NFATC3: variants seen among roughly 807,000 people sequenced by gnomAD.
NFATC3 encodes the protein nuclear factor of activated T-cells, cytoplasmic 3.
NFATC3 carries 46 observed loss-of-function variants against 98.6 expected under a neutral mutation model. The observed-to-expected ratio is 0.47, with a 90% CI of 0.37 to 0.60. The LOEUF (loss-of-function observed/expected upper bound fraction) is 0.60. Among genes scored for constraint, NFATC3 ranks in the 20% least tolerant of loss-of-function variants. The pLI, the probability that NFATC3 is intolerant of heterozygous loss-of-function variation, is 0.00. For missense variants in NFATC3, 1,256 were observed against 1,295.5 expected (o/e 0.97, Z 0.47); for synonymous variants, 512 against 472.2 (o/e 1.08, Z -1.09).
At chr16:68,172,666 C>T (rs989239730) in intron 5 of NFATC3, among the ~76,000 whole-genome samples, 4 of 151,962 alleles carry the variant, frequency 2.6e-5, no homozygotes, top group Non-Finnish European at 4.4e-5. Flanking sequence ...CCTATAGTCC[C>T]AGCTCCTAGG....
intron 1 of NFATC3, among the ~76,000 whole-genome samples, chr16:68,112,956 G>C (rs8044328): frequency 0.18 from 27,933 of 151,970 alleles, 2,937 homozygotes; most frequent in African/African-American, 0.28. Flanking sequence ...ATGTTCCTCT[G>C]TATACTAGCC....
At chr16:68,116,922 G>A (rs1056349612) in intron 1 of NFATC3, among the ~76,000 whole-genome samples, 4 of 152,020 alleles carry the variant, frequency 2.6e-5, no homozygotes, top group Admixed American at 6.6e-5. Flanking sequence ...GATGAAATTA[G>A]TAAAGAACAA....
Position 68,148,250 on chromosome 16 carries a change from G to A in NFATC3, c.1402-9619G>A, listed in dbSNP as rs1299684825. 7.9e-5 allele frequency among the ~76,000 whole-genome samples: 12 copies of A among 151,992 alleles called. 1 individual carries two copies. The highest frequency in any genetic ancestry group is 2.6e-4 in the Admixed American group (4 of 15,250). Reference sequence around the variant, plus strand: ...AGGCTGGTCTCGAACTCCCGACCTCGGGTGATCCACCTGCCTAGGCCTCCC... The same window carrying A: ...AGGCTGGTCTCGAACTCCCGACCTCAGGTGATCCACCTGCCTAGGCCTCCC... On this transcript the variant is annotated intron_variant, in intron 3 of 9. Transcript: ENST00000346183.
In NFATC3 at chr16:68,174,385, G is replaced by A. The variant is rs1419974795; in HGVS notation, c.1786G>A (p.Ala596Thr). The change falls in exon 6 of 10, where the codon GCT becomes ACT. Residue 596 changes from alanine to threonine, a missense_variant. Coordinates refer to ENST00000346183, the MANE Select transcript of NFATC3 (RefSeq NM_173165.3). ...AAAATTTAAAACAGCCCAGCGGTCT[G>A]CTCAAGAACTTCCTCATATTGAGAA... is the stretch of plus-strand genomic sequence containing the variant. ...SIPVECSQRS[A>T]QELPHIEKYS... 16 of 1,530,696 alleles carry A rather than the reference G, an allele frequency of 1.0e-5. No homozygotes were observed. The Admixed American group carries it at 3.1e-4, about 30-fold the overall frequency. 94.8% of individuals were successfully genotyped at this position (1,530,696 alleles called of 1,614,324 possible).
At position 68,123,713 on chromosome 16, in the gene NFATC3, T is replaced by C. The variant is rs536540622; in HGVS notation, c.1238+592T>C. On this transcript the variant is annotated intron_variant, in intron 2 of 9. Coordinates refer to ENST00000346183, the MANE Select transcript of NFATC3 (RefSeq NM_173165.3). The stretch of plus-strand genomic sequence containing the variant: ...TGAATTTAATTACTAAGAAAACTAT[T>C]TGGGGGCCAGGCGTGGTGTCTCATG... 3.1e-4 allele frequency among the ~76,000 whole-genome samples: 47 copies of C among 152,018 alleles called. No homozygotes were observed. In the South Asian group the frequency reaches 9.5e-3, roughly 31 times the overall value.
rs2041498950 is a variant in NFATC3 at position 68,213,400 on chromosome 16, G to A, written c.3107-12950G>A. Reference sequence around the variant, plus strand: ...ACTGCACTCCAGCCTGGGCGACAGAGCAAGACTCTGTCTCAAAAAATAAAT... The same window carrying A: ...ACTGCACTCCAGCCTGGGCGACAGAACAAGACTCTGTCTCAAAAAATAAAT... On this transcript the variant is annotated intron_variant, in intron 9 of 9. Transcript: ENST00000346183. Among the ~76,000 whole-genome samples, 4 of 150,028 alleles carry A rather than the reference G, an allele frequency of 2.7e-5. No individual in the cohort carries two copies. In the South Asian group the frequency reaches 8.4e-4, roughly 31 times the overall value.
intron 5 of NFATC3, among the ~76,000 whole-genome samples, chr16:68,168,371 C>T (rs558058410): frequency 3.3e-5 from 5 of 151,976 alleles, no homozygotes; most frequent in East Asian, 1.9e-4. Context: ...CCATGTTGGC[C>T]ATGCTGGTCT....
chr16:68,109,199 T>C (rs2035818420), intron 1 of NFATC3, among the ~76,000 whole-genome samples: 1 of 152,212 alleles, frequency 6.6e-6, no homozygotes, highest in Non-Finnish European at 1.5e-5. Context: ...AGTATGACAT[T>C]GGATGTGGGT....
At chr16:68,112,345 T>C (rs1463570399) in intron 1 of NFATC3, among the ~76,000 whole-genome samples, 2 of 146,504 alleles carry the variant, frequency 1.4e-5, no homozygotes, top group East Asian at 4.1e-4. Context: ...TGGCGTGATC[T>C]TGGCTTACTG....
chr16:68,181,075 G>A (rs1453091125), intron 6 of NFATC3, among the ~76,000 whole-genome samples: 1 of 152,170 alleles, frequency 6.6e-6, no homozygotes, highest in Non-Finnish European at 1.5e-5. Flanking sequence ...TTGAGGAATC[G>A]CCACACTGTC....
Position 68,190,777 on chromosome 16 carries a change from A to G in NFATC3, c.2108A>G (p.Lys703Arg). 6.3e-7 allele frequency: 1 copy of G among 1,599,686 alleles called. No individual in the cohort carries two copies. Residue 703 changes from lysine to arginine, a missense_variant, in exon 9 of 10, where the codon AAG (lysine) becomes AGG (arginine). Lys to Arg is a conservative substitution (Grantham distance 26). This residue lies in a region of NFATC3 where 636 missense variants were observed against 617.3 expected (regional missense o/e 1.03). Coordinates refer to ENST00000346183, the MANE Select transcript of NFATC3 (RefSeq NM_173165.3). ...QRFTYTPVLM[K>R]QEHREEIDLS... Reference sequence around the variant, plus strand: ...ATCATTTTCTTTTCAGTTTTGATGAAGCAAGAACACAGAGAAGAGATTGAT... The same window carrying G: ...ATCATTTTCTTTTCAGTTTTGATGAGGCAAGAACACAGAGAAGAGATTGAT...
chr16:68,086,813 G>A, intron 1 of NFATC3: 1 of 981,490 alleles, frequency 1.0e-6, no homozygotes, highest in Non-Finnish European at 1.2e-6. Context: ...TTATTTTATC[G>A]GTCCTTTTAG....
At chr16:68,202,673 G>A (rs918228889) in intron 9 of NFATC3, among the ~76,000 whole-genome samples, 5 of 152,076 alleles carry the variant, frequency 3.3e-5, no homozygotes, top group Non-Finnish European at 7.4e-5. Context: ...TTAGCTGGGC[G>A]TGGTGGTGGA....
chr16:68,108,743 G>A (rs8061990), intron 1 of NFATC3, among the ~76,000 whole-genome samples: 7 of 151,934 alleles, frequency 4.6e-5, no homozygotes, highest in Non-Finnish European at 8.8e-5. Context: ...TGTCCTCTCC[G>A]ATTTCCTTGA....
Position 68,196,899 on chromosome 16 carries a change from G to A in NFATC3, c.3106+5124G>A, listed in dbSNP as rs570055452. ...TACAAAATTAGCCTGGTGTGGTGGC[G>A]CATCCCTGTAATCCCAGCTACTTGG... On this transcript the variant is annotated intron_variant, in intron 9 of 9. Coordinates refer to ENST00000346183, the MANE Select transcript of NFATC3 (RefSeq NM_173165.3). Among the ~76,000 whole-genome samples, 9 of 151,866 alleles carry A rather than the reference G, an allele frequency of 5.9e-5. No homozygotes were observed. In the South Asian group the frequency reaches 1.2e-3, roughly 21 times the overall value.
chr16:68,195,164 A>T (rs147107118), intron 9 of NFATC3, among the ~76,000 whole-genome samples: 228 of 151,862 alleles, frequency 1.5e-3, no homozygotes, highest in Admixed American at 5.0e-3. Flanking sequence ...CTGAGACAAG[A>T]GAATTGCTTG....
intron 1 of NFATC3, among the ~76,000 whole-genome samples, chr16:68,106,924 C>T (rs1360867936): frequency 6.6e-6 from 1 of 152,006 alleles, no homozygotes; most frequent in Admixed American, 6.6e-5. Flanking sequence ...TGACCCCCAC[C>T]CCCAGACAGG....
At chr16:68,088,840 A>T in intron 1 of NFATC3, 1 of 310,462 alleles carries the variant, frequency 3.2e-6, no homozygotes, top group Non-Finnish European at 4.7e-6. Flanking sequence ...TGCCCAATAT[A>T]TATATTTTTA....
intron 9 of NFATC3, among the ~76,000 whole-genome samples, chr16:68,217,025 G>A (rs192123297): frequency 6.6e-6 from 1 of 152,134 alleles, no homozygotes; most frequent in Admixed American, 6.6e-5. Context: ...AATCGTGCAT[G>A]TATTTTTAAT....
Sources: gnomAD v4.1 joint callset for allele counts (sites outside exome capture counted in the v4.1 genomes callset) on GRCh38, gnomAD v4.1.1 for gene constraint, gnomAD v4.1.1 regional missense constraint, MANE v1.5 for transcripts, NCBI Gene and HGNC (gene_info 2026-07-23, HGNC 2026-07-21) for gene names.